Variants in SFXN1 observed in about 807,000 individuals in gnomAD.
SFXN1 encodes sideroflexin 1.
A neutral mutation model predicts 39.5 loss-of-function variants in SFXN1; 32 were observed. The ratio of observed to expected loss-of-function variants is 0.81; its 90% CI spans 0.61 to 1.09. SFXN1 has a LOEUF of 1.09. Among genes scored for constraint, SFXN1 ranks in the 50% least tolerant of loss-of-function variants. SFXN1 has a pLI of 0.00. For missense variants in SFXN1, 402 were observed against 407.1 expected (o/e 0.99, Z 0.11); for synonymous variants, 136 against 146.5 (o/e 0.93, Z 0.52).
At chr5:175,487,229 C>T (rs1212774703) in intron 1 of SFXN1, among the ~76,000 whole-genome samples, 1 of 152,198 alleles carries the variant, frequency 6.6e-6, no homozygotes, top group African/African-American at 2.4e-5. Flanking sequence ...TGGATCAGAA[C>T]CTCTAGAAGG....
At chr5:175,514,286 C>T (rs151038283) in intron 7 of SFXN1, among the ~76,000 whole-genome samples, 5 of 152,214 alleles carry the variant, frequency 3.3e-5, no homozygotes, top group African/African-American at 1.2e-4. Context: ...AGAGCAGCTA[C>T]TGATAAAATG....
At chr5:175,478,942 G>A (rs951569876) in intron 1 of SFXN1, among the ~76,000 whole-genome samples, 1 of 152,126 alleles carries the variant, frequency 6.6e-6, no homozygotes, top group African/African-American at 2.4e-5. Flanking sequence ...GTCCCCGCGC[G>A]CCTGGCCGCG....
At chr5:175,505,000 T>C (rs985053335) in intron 2 of SFXN1, among the ~76,000 whole-genome samples, 1 of 152,126 alleles carries the variant, frequency 6.6e-6, no homozygotes, top group African/African-American at 2.4e-5. Context: ...AGTACTGGGA[T>C]TACAGGCATG....
intron 7 of SFXN1, 151 bp from the exon 8 acceptor site, chr5:175,516,463 A>C (rs1394119835): frequency 1.6e-6 from 1 of 625,472 alleles, no homozygotes; most frequent in African/African-American, 1.9e-5. Flanking sequence ...ATTCAAATGT[A>C]ATAATTTAAA....
chr5:175,505,973 T>C (rs1224995126), intron 2 of SFXN1, among the ~76,000 whole-genome samples: 2 of 152,158 alleles, frequency 1.3e-5, no homozygotes, highest in Admixed American at 1.3e-4. Context: ...CCTGCCACCA[T>C]GCCCAGCTAA....
chr5:175,512,762 C>A (rs1760566116), intron 6 of SFXN1, among the ~76,000 whole-genome samples: 1 of 152,100 alleles, frequency 6.6e-6, no homozygotes, highest in Admixed American at 6.5e-5. Context: ...ACAGTAGGGC[C>A]ATGTGCGAGT....
At chr5:175,489,853 GA>G (rs1759593086) in intron 1 of SFXN1, among the ~76,000 whole-genome samples, 1 of 152,182 alleles carries the variant, frequency 6.6e-6, no homozygotes, top group Non-Finnish European at 1.5e-5. Context: ...CTGTACATGA[GA>G]CCATGAGCCA....
intron 5 of SFXN1, among the ~76,000 whole-genome samples, chr5:175,511,841 ATC>A (rs146338435): frequency 3.1e-4 from 29 of 94,260 alleles, no homozygotes; most frequent in African/African-American, 7.5e-4. Flanking sequence ...AGGCAAGAGC[ATC>A]TCTCTCTCTC....
intron 8 of SFXN1, among the ~76,000 whole-genome samples, chr5:175,521,237 A>T (rs1760869545): frequency 8.2e-6 from 1 of 121,670 alleles, no homozygotes; most frequent in African/African-American, 3.2e-5. Context: ...AGACCAACCA[A>T]CTTGTTCATT....
At chr5:175,502,927 G>A (rs1279062822) in intron 2 of SFXN1, among the ~76,000 whole-genome samples, 1 of 152,080 alleles carries the variant, frequency 6.6e-6, no homozygotes, top group Admixed American at 6.5e-5. Flanking sequence ...ATAAACAACA[G>A]GGTGCTTCTC....
intron 6 of SFXN1, 135 bp from the exon 7 acceptor site, chr5:175,513,328 A>T (rs544364580): frequency 3.0e-4 from 122 of 402,986 alleles, no homozygotes; most frequent in African/African-American, 2.0e-3. Context: ...AAAAAAACAG[A>T]TGTGTCAGTA....
intron 2 of SFXN1, among the ~76,000 whole-genome samples, chr5:175,494,502 C>CT (rs1759782719): frequency 6.6e-6 from 1 of 152,134 alleles, no homozygotes; most frequent in Non-Finnish European, 1.5e-5. Flanking sequence ...AATCCCAGCA[C>CT]TTTGGGAGGC....
chr5:175,513,136 A>G (rs1760579657), intron 6 of SFXN1, among the ~76,000 whole-genome samples: 2 of 152,004 alleles, frequency 1.3e-5, no homozygotes, highest in African/African-American at 4.8e-5. Flanking sequence ...CCCCGTCTCT[A>G]CTAAAAATAC....
At chr5:175,479,256 A>T (rs1385186354) in intron 1 of SFXN1, among the ~76,000 whole-genome samples, 2 of 152,196 alleles carry the variant, frequency 1.3e-5, no homozygotes, top group Non-Finnish European at 2.9e-5. Context: ...GCCCAGAATG[A>T]CAATAAACAG....
chr5:175,483,313 T>C (rs1554099303), intron 1 of SFXN1, among the ~76,000 whole-genome samples: 1 of 152,230 alleles, frequency 6.6e-6, no homozygotes, highest in Non-Finnish European at 1.5e-5. Context: ...TTTTTCTTCT[T>C]AGCATAAGTG....
intron 8 of SFXN1, among the ~76,000 whole-genome samples, chr5:175,518,300 A>G (rs55856318): frequency 0.24 from 36,998 of 152,074 alleles, 5,571 homozygotes; most frequent in Non-Finnish European, 0.33. Context: ...ATTCCCTTTT[A>G]TAAAAGTAGA....
chr5:175,497,774 C>T (rs1759909272), intron 2 of SFXN1, among the ~76,000 whole-genome samples: 1 of 151,798 alleles, frequency 6.6e-6, no homozygotes, highest in Non-Finnish European at 1.5e-5. Context: ...GCAAAAAACA[C>T]AAAAAGTTAG....
chr5:175,507,136 A>T (rs1334106500), intron 2 of SFXN1, among the ~76,000 whole-genome samples: 1 of 152,070 alleles, frequency 6.6e-6, no homozygotes, highest in Non-Finnish European at 1.5e-5. Context: ...ACCTTGGCTT[A>T]TGGGTACATT....
chr5:175,492,146 C>G lies in SFXN1; in HGVS notation c.43C>G (p.Arg15Gly). ...ACCAAACATTAACATCAAGGAACCT[C>G]GATGGGATCAAAGCACTTTCATTGG... ...LPPNINIKEP[R>G]WDQSTFIGRA... Residue 15 changes from arginine (R) to glycine (G), a missense_variant, in exon 2 of 11, where the codon CGA (arginine) becomes GGA (glycine). By Grantham distance (125) the Arg-to-Gly change is moderately radical. Coordinates refer to ENST00000321442, the MANE Select transcript of SFXN1 (RefSeq NM_022754.7). 1 of 1,613,852 alleles carries G rather than the reference C, an allele frequency of 6.2e-7. No homozygotes were observed. The highest frequency in any genetic ancestry group is 8.5e-7 in the Non-Finnish European group (1 of 1,179,928).
Sources: allele counts gnomAD v4.1 joint callset (sites outside exome capture counted in the v4.1 genomes callset), GRCh38; gene constraint gnomAD v4.1.1; transcripts MANE v1.5; gene names NCBI Gene and HGNC (gene_info 2026-07-23, HGNC 2026-07-21).